AGO3: variants seen among roughly 807,000 people sequenced by gnomAD.
The protein encoded by AGO3 is argonaute RISC catalytic component 3.
Under a neutral mutation model 105.5 loss-of-function variants are expected in AGO3, and 16 were observed. The ratio of observed to expected loss-of-function variants is 0.15; its 90% CI spans 0.10 to 0.23. The LOEUF (loss-of-function observed/expected upper bound fraction) is 0.23, where lower values mean the gene tolerates loss of function less well. AGO3 is among the 10% of genes least tolerant of loss of function. The probability of loss-of-function intolerance (pLI) is 1.00; values close to 1 mark genes in which losing one functional copy is unlikely to be tolerated. For synonymous variants in AGO3, 340 were observed against 367.3 expected, an observed-to-expected ratio of 0.93 and a Z score of 0.85; for missense variants, 534 against 1,088.0, an observed-to-expected ratio of 0.49 and a Z score of 7.16.
chr1:36,044,941 T>C (rs1642401926), intron 17 of AGO3, among the ~76,000 whole-genome samples: 1 of 152,312 alleles, frequency 6.6e-6, no homozygotes, highest in Admixed American at 6.5e-5. Context: ...TTGCCATTAT[T>C]GATTAAGATA....
intron 2 of AGO3, among the ~76,000 whole-genome samples, chr1:35,962,492 G>C (rs138819394): frequency 5.3e-5 from 8 of 150,460 alleles, no homozygotes; most frequent in African/African-American, 2.0e-4. Flanking sequence ...GCAGTGAGCC[G>C]AGATCACGCC....
intron 16 of AGO3, among the ~76,000 whole-genome samples, chr1:36,041,758 C>G (rs1297801175): frequency 6.6e-6 from 1 of 152,252 alleles, no homozygotes; most frequent in East Asian, 1.9e-4. Context: ...GGGCAAGCAA[C>G]TTAACATCTC....
intron 2 of AGO3, among the ~76,000 whole-genome samples, chr1:35,954,213 A>G (rs1463266828): frequency 1.3e-5 from 2 of 152,334 alleles, no homozygotes; most frequent in East Asian, 3.9e-4. Context: ...AAGATAGGAA[A>G]GTTAACAGAT....
intron 14 of AGO3, among the ~76,000 whole-genome samples, chr1:36,036,986 G>A (rs906475572): frequency 2.6e-5 from 4 of 151,976 alleles, no homozygotes; most frequent in African/African-American, 4.8e-5. Flanking sequence ...GTGAGCTACC[G>A]TGCCCAGCCA....
At chr1:35,970,261 C>T (rs1646841513) in intron 3 of AGO3, among the ~76,000 whole-genome samples, 2 of 152,060 alleles carry the variant, frequency 1.3e-5, no homozygotes, top group Admixed American at 6.6e-5. Context: ...ATAAAACGGA[C>T]AATAAAAACA....
chr1:36,003,033 T>C (rs903029366), intron 5 of AGO3, among the ~76,000 whole-genome samples: 8 of 151,964 alleles, frequency 5.3e-5, no homozygotes, highest in Admixed American at 3.9e-4. Flanking sequence ...ATCGCGCCAT[T>C]GCACTCCAGC....
intron 5 of AGO3, among the ~76,000 whole-genome samples, chr1:36,001,351 T>G (rs954095470): frequency 6.6e-6 from 1 of 152,134 alleles, no homozygotes; most frequent in South Asian, 2.1e-4. Flanking sequence ...GAACATTCAT[T>G]GGAATATTGT....
At position 36,047,838 on chromosome 1, in the gene AGO3, C is replaced by T. The variant is rs572234719; in HGVS notation, c.2274+4290C>T. 3.3e-5 allele frequency among the ~76,000 whole-genome samples: 5 copies of T among 151,886 alleles called. No individual in the cohort carries two copies. The East Asian group carries it at 9.7e-4, about 29-fold the overall frequency. ...AGGCTGCAACGAGCTGAGATCACAC[C>T]ACTACACTCTAGCCTGGGATGACAG... On this transcript the variant is annotated intron_variant, in intron 17 of 18. Transcript: ENST00000373191.
At chr1:35,979,771 A>T (rs1216255082) in intron 5 of AGO3, among the ~76,000 whole-genome samples, 1 of 152,174 alleles carries the variant, frequency 6.6e-6, no homozygotes, top group Non-Finnish European at 1.5e-5. Context: ...TTATCTAATA[A>T]AAAGATTGCA....
chr1:35,979,281 G>A lies in AGO3; in HGVS notation c.658+5770G>A, dbSNP rs189487223. On this transcript the variant is annotated intron_variant, in intron 5 of 18. Transcript: ENST00000373191. ...TGGGAGGCTGAGGCAGGAGAATGGC[G>A]TGAACCCAGGAGGCGGAGCTTGCAG... is the stretch of plus-strand genomic sequence containing the variant. Among the ~76,000 whole-genome samples, 13 of 152,016 alleles carry A rather than the reference G, an allele frequency of 8.6e-5. No individual in the cohort carries two copies. In the East Asian group the frequency reaches 1.9e-3, roughly 23 times the overall value.
chr1:35,944,544 CTTTTTTTTTTT>C (rs761797350), intron 1 of AGO3, among the ~76,000 whole-genome samples: 2 of 105,484 alleles, frequency 1.9e-5, no homozygotes, highest in Admixed American at 1.9e-4. Flanking sequence ...ATTTTATTTA[CTTTTTTTTTTT>C]TTTTTTTTTT....
At chr1:35,963,149 A>T (rs1237744393) in intron 2 of AGO3, among the ~76,000 whole-genome samples, 1 of 152,216 alleles carries the variant, frequency 6.6e-6, no homozygotes, top group Non-Finnish European at 1.5e-5. Context: ...GTAAGCAGAG[A>T]TTAATTCTCA....
intron 5 of AGO3, among the ~76,000 whole-genome samples, chr1:35,982,043 A>C (rs1220747000): frequency 6.6e-6 from 1 of 152,174 alleles, no homozygotes; most frequent in East Asian, 1.9e-4. Flanking sequence ...GTTGCTCTGT[A>C]CAGGTTCTAG....
At position 36,057,273 on chromosome 1, in the gene AGO3, T is replaced by C. The variant is rs1642947155; in HGVS notation, c.*1528T>C. 1 of 152,076 alleles carries C rather than the reference T, an allele frequency of 6.6e-6. No individual in the cohort carries two copies. The highest frequency in any genetic ancestry group is 1.5e-5 in the Non-Finnish European group (1 of 68,016). 9.4% of individuals were successfully genotyped at this position (152,076 alleles called of 1,614,324 possible). On this transcript the variant is annotated 3_prime_UTR_variant, in exon 19 of 19. Transcript: ENST00000373191. ...AGAGAAGAGTTTGTTGAGGGATTTTTTTGTTTTGTTTTTTGATAGTTTACT... is the reference window on the plus strand; with the variant it reads ...AGAGAAGAGTTTGTTGAGGGATTTTCTTGTTTTGTTTTTTGATAGTTTACT...
chr1:36,004,601 T>C, intron 6 of AGO3, 126 bp downstream of exon 6: 1 of 827,618 alleles, frequency 1.2e-6, no homozygotes, highest in Non-Finnish European at 1.7e-6. Context: ...ACATCAATTA[T>C]AAAATAAAAT....
chr1:35,975,344 T>C (rs2148777776), intron 5 of AGO3, among the ~76,000 whole-genome samples: 1 of 152,320 alleles, frequency 6.6e-6, no homozygotes, highest in Middle Eastern at 3.4e-3. Context: ...TTTTCACAAA[T>C]ATAAGGGCCA....
chr1:36,015,139 T>G (rs1365799105), intron 11 of AGO3, among the ~76,000 whole-genome samples: 1 of 152,200 alleles, frequency 6.6e-6, no homozygotes, highest in Non-Finnish European at 1.5e-5. Flanking sequence ...TCCAGGCCTC[T>G]GGTCATGGGT....
chr1:35,961,394 T>C (rs1454201212), intron 2 of AGO3, among the ~76,000 whole-genome samples: 1 of 152,226 alleles, frequency 6.6e-6, no homozygotes, highest in East Asian at 1.9e-4. Flanking sequence ...TCAGGTACTT[T>C]ATAAGGTAGT....
At chr1:36,035,828 C>T (rs745943727) in intron 13 of AGO3, among the ~76,000 whole-genome samples, 4 of 151,938 alleles carry the variant, frequency 2.6e-5, no homozygotes, top group Non-Finnish European at 5.9e-5. Flanking sequence ...GTCAGGAGAT[C>T]GAGACCATCC....
Sources: allele counts gnomAD v4.1 joint callset (sites outside exome capture counted in the v4.1 genomes callset), GRCh38; gene constraint gnomAD v4.1.1; transcripts MANE v1.5; gene names NCBI Gene and HGNC (gene_info 2026-07-23, HGNC 2026-07-21).